The following LRRC71 variants were observed in gnomAD, a reference collection of about 807,000 sequenced individuals.
LRRC71 encodes leucine rich repeat containing 71, also known as leucine-rich repeat-containing protein 71.
In LRRC71, 54 loss-of-function variants were observed where a neutral mutation model predicts 66.6. The observed-to-expected ratio is 0.81, with a 90% confidence interval of 0.65 to 1.02. LRRC71 has a LOEUF of 1.02. LRRC71 is among the 50% of genes least tolerant of loss of function. The pLI is 0.00. For missense variants in LRRC71, 724 were observed against 718.0 expected (o/e 1.01, Z -0.10); for synonymous variants, 323 against 303.9 (o/e 1.06, Z -0.65).
At chr1:156,925,370 C>T (rs181803170) in intron 5 of LRRC71, among the ~76,000 whole-genome samples, 1 of 152,328 alleles carries the variant, frequency 6.6e-6, no homozygotes, top group Non-Finnish European at 1.5e-5. Flanking sequence ...AGTTCTTATC[C>T]TCCAGGAACT....
chr1:156,941,035 T>C, the LRRC71 span, among the ~76,000 whole-genome samples: 2 of 152,188 alleles, frequency 1.3e-5, no homozygotes, highest in African/African-American at 4.8e-5. Flanking sequence ...TGTTGCAGCA[T>C]GTATCTCCCT....
Position 156,924,640 on chromosome 1 carries a change from C to A in LRRC71, c.440-3C>A, listed in dbSNP as rs1187593463. The stretch of plus-strand genomic sequence containing the variant: ...GAGGCACCTGCCTCCTCTTGGCCCG[C>A]AGGTTGGAAGGTTGAGGAACGGATT... On this transcript the variant is annotated splice_polypyrimidine_tract_variant and splice_region_variant and intron_variant, in intron 3 of 14. Transcript: ENST00000337428. 2.6e-6 allele frequency: 4 copies of A among 1,551,698 alleles called. No homozygotes were observed. The highest frequency in any genetic ancestry group is 3.5e-6 in the Non-Finnish European group (4 of 1,146,994).
At chr1:156,928,607 G>C (rs1287295120) in intron 9 of LRRC71, among the ~76,000 whole-genome samples, 1 of 108,426 alleles carries the variant, frequency 9.2e-6, no homozygotes. Flanking sequence ...GTCTGGCTCT[G>C]TTACCTGGGC....
At chr1:156,923,546 C>G (rs1374075088) in intron 1 of LRRC71, among the ~76,000 whole-genome samples, 3 of 151,188 alleles carry the variant, frequency 2.0e-5, no homozygotes. Context: ...AAGGAACTCA[C>G]ATCGGGCCTG....
At chr1:156,937,305 C>T (rs200237434), downstream of LRRC71, 12 of 1,613,946 alleles carry the variant, frequency 7.4e-6, no homozygotes, top group East Asian at 2.2e-5. Context: ...ATCATGCCCA[C>T]GTCCCTGAGG....
At chr1:156,935,900 C>T, downstream of LRRC71, 1 of 1,361,262 alleles carries the variant, frequency 7.3e-7, no homozygotes, top group Non-Finnish European at 1.0e-6. Flanking sequence ...CTGCCTCCTC[C>T]ACAGGGAGGA....
intron 9 of LRRC71, 59 bp downstream of exon 9, chr1:156,928,063 C>A: frequency 6.8e-7 from 1 of 1,478,198 alleles, no homozygotes; most frequent in Non-Finnish European, 9.2e-7. Flanking sequence ...CGAGCCCACT[C>A]CCCAAGTCCG....
intron 12 of LRRC71, 59 bp from the exon 13 acceptor site, chr1:156,931,857 G>A: frequency 7.7e-7 from 1 of 1,295,740 alleles, no homozygotes; most frequent in Non-Finnish European, 1.1e-6. Flanking sequence ...ATGAATGAAT[G>A]AATGGCCTGT....
At chr1:156,933,561 G>A (rs1375413759), downstream of LRRC71, among the ~76,000 whole-genome samples, 1 of 152,178 alleles carries the variant, frequency 6.6e-6, no homozygotes, top group Non-Finnish European at 1.5e-5. Flanking sequence ...CTTTGGAGAG[G>A]GTGCTAAACG....
At chr1:156,923,489 C>T (rs1194479458) in intron 1 of LRRC71, among the ~76,000 whole-genome samples, 3 of 152,242 alleles carry the variant, frequency 2.0e-5, no homozygotes, top group Admixed American at 6.5e-5. Context: ...ATAAAAGTAT[C>T]GTTCTGCTGC....
intron 6 of LRRC71, 38 bp downstream of exon 6, chr1:156,927,308 G>A (rs542724605): frequency 3.7e-6 from 6 of 1,604,036 alleles, no homozygotes; most frequent in East Asian, 2.2e-5. Flanking sequence ...CTCTGGGCCT[G>A]TCTCGAAATT....
At position 156,932,578 on chromosome 1, in the gene LRRC71, G is replaced by A. The variant is rs201508076; in HGVS notation, c.1563+33G>A. 9.7e-5 allele frequency: 157 copies of A among 1,614,016 alleles called. No homozygotes were observed. The African/African-American group carries it at 1.7e-3, about 17-fold the overall frequency. On this transcript the variant is annotated intron_variant, in intron 14 of 14. Transcript: ENST00000337428. ...CCTTTCACTCTCTCCTGCTGAAGCAGACGTTGCCCCTATCAGCTGTCATAC... is the reference window on the plus strand; with the variant it reads ...CCTTTCACTCTCTCCTGCTGAAGCAAACGTTGCCCCTATCAGCTGTCATAC...
intron 13 of LRRC71, 181 bp from the exon 14 acceptor site, chr1:156,932,243 T>C (rs1553190385): frequency 4.5e-6 from 3 of 663,556 alleles, no homozygotes; most frequent in East Asian, 5.4e-5. Context: ...TGAGAGGAGT[T>C]AGAGAGATGG....
chr1:156,928,645 A>G (rs1323973178), intron 9 of LRRC71, among the ~76,000 whole-genome samples: 1 of 130,456 alleles, frequency 7.7e-6, no homozygotes, highest in African/African-American at 3.0e-5. Context: ...ATCTCGGTTC[A>G]CTGCAGTCTC....
chr1:156,930,654 C>T (rs984228244), intron 12 of LRRC71, 37 bp downstream of exon 12: 15 of 1,529,880 alleles, frequency 9.8e-6, no homozygotes, highest in Non-Finnish European at 1.2e-5. Flanking sequence ...GGGGGCACAC[C>T]CCTGGGATTC....
chr1:156,924,994 C>T lies in LRRC71; in HGVS notation c.572C>T (p.Pro191Leu), dbSNP rs1206326702. The T allele has an allele frequency of 6.4e-7, 1 of 1,551,586 alleles. No individual in the cohort carries two copies. The highest frequency in any genetic ancestry group is 8.7e-7 in the Non-Finnish European group (1 of 1,147,000). ...CTGACCACCTTCATCGAGCTCCTGC[C>T]TCTCTGTTCATCCACGCTCAGGTCA... ...KTLTTFIELL[P>L]LCSSTLRKVS... Residue 191 changes from proline (P) to leucine (L), a missense_variant, in exon 5 of 15, where the codon CCT becomes CTT. Coordinates refer to ENST00000337428, the MANE Select transcript of LRRC71 (RefSeq NM_144702.3).
intron 1 of LRRC71, among the ~76,000 whole-genome samples, chr1:156,921,949 T>G (rs994545802): frequency 2.6e-5 from 4 of 152,114 alleles, no homozygotes; most frequent in Admixed American, 2.6e-4. Context: ...GGCGAAGGAC[T>G]GGACAGGGTA....
At position 156,929,323 on chromosome 1, in the gene LRRC71, A is replaced by G. The variant is rs369905393; in HGVS notation, c.1040A>G (p.Lys347Arg). The change falls in exon 10 of 15, where the codon AAG becomes AGG. Residue 347 changes from lysine to arginine, a missense_variant. Transcript: ENST00000337428. ...GGGGACTCCAAAACGGACCGTGAGA[A>G]GAGTCAGATGGTAGGGATCAGCAAT... ...RHGDSKTDRE[K>R]SQMVGISNSA... The G allele has an allele frequency of 8.7e-6, 14 of 1,612,056 alleles. No individual in the cohort carries two copies. The African/African-American group carries it at 1.7e-4, about 20-fold the overall frequency.
chr1:156,932,251 T>TG lies in LRRC71; in HGVS notation c.1442-169dup, dbSNP rs1654484858. 1.5e-5 allele frequency: 10 copies of TG among 666,314 alleles called. No homozygotes were observed. In the South Asian group the frequency reaches 1.8e-4, roughly 12 times the overall value. 41.3% of individuals were successfully genotyped at this position (666,314 alleles called of 1,614,324 possible). ...GGAGTAATGAGAGGAGTTAGAGAGA[T>TG]GGGGAGTGTGTGAGTAAGAGCTGAG... On this transcript the variant is annotated intron_variant, in intron 13 of 14. Transcript: ENST00000337428.
Sources: allele counts gnomAD v4.1 joint callset (sites outside exome capture counted in the v4.1 genomes callset), GRCh38; gene constraint gnomAD v4.1.1; transcripts MANE v1.5; gene names NCBI Gene and HGNC (gene_info 2026-07-23, HGNC 2026-07-21).